The following PAIP2B variants were observed in gnomAD, a reference collection of about 807,000 sequenced individuals.
The protein encoded by PAIP2B is poly(A) binding protein interacting protein 2B.
PAIP2B carries 13 observed loss-of-function variants against 17.0 expected under a neutral mutation model. That is an observed-to-expected ratio of 0.76 (90% confidence interval 0.50 to 1.22). The LOEUF (loss-of-function observed/expected upper bound fraction) is 1.22. PAIP2B is among the 50% of genes most tolerant of loss of function. PAIP2B has a pLI of 0.00. For missense variants in PAIP2B, 117 were observed against 144.5 expected, an observed-to-expected ratio of 0.81 and a Z score of 0.98; for synonymous variants, 43 against 48.7, an observed-to-expected ratio of 0.88 and a Z score of 0.48.
At chr2:71,213,438 G>A (rs140279878) in intron 1 of PAIP2B, among the ~76,000 whole-genome samples, 34 of 152,274 alleles carry the variant, frequency 2.2e-4, no homozygotes, top group African/African-American at 7.7e-4. Context: ...GGAGAAAGAG[G>A]GTCCTTGAGG....
At chr2:71,206,915 A>T (rs1405244140) in intron 1 of PAIP2B, among the ~76,000 whole-genome samples, 1 of 152,220 alleles carries the variant, frequency 6.6e-6, no homozygotes, top group Non-Finnish European at 1.5e-5. Context: ...GGTGGATGAC[A>T]GCTTTAAATT....
chr2:71,204,274 T>C (rs546696207), intron 1 of PAIP2B, among the ~76,000 whole-genome samples: 19 of 152,162 alleles, frequency 1.2e-4, no homozygotes, highest in Non-Finnish European at 2.4e-4. Flanking sequence ...CCACCTTCCT[T>C]GGGGCTTCTT....
chr2:71,189,710 A>C, intron 3 of PAIP2B, 135 bp downstream of exon 3: 1 of 793,506 alleles, frequency 1.3e-6, no homozygotes, highest in Non-Finnish European at 1.9e-6. Context: ...AATAATGCCC[A>C]TAAAACGAGC....
intron 2 of PAIP2B, among the ~76,000 whole-genome samples, chr2:71,199,679 G>A (rs1674928685): frequency 6.6e-6 from 1 of 151,640 alleles, no homozygotes; most frequent in African/African-American, 2.4e-5. Context: ...CCATTCTCCT[G>A]CCTCAGCCTC....
intron 3 of PAIP2B, among the ~76,000 whole-genome samples, 174 bp from the exon 4 acceptor site, chr2:71,188,709 G>A (rs1490216051): frequency 6.6e-6 from 1 of 152,164 alleles, no homozygotes; most frequent in Non-Finnish European, 1.5e-5. Flanking sequence ...CCCTGAGCAA[G>A]CTCATCTTCT....
At chr2:71,199,661 G>C (rs1401932439) in intron 2 of PAIP2B, among the ~76,000 whole-genome samples, 1 of 151,876 alleles carries the variant, frequency 6.6e-6, no homozygotes. Flanking sequence ...CCGCCTCCTG[G>C]GTTCACGCCA....
intron 2 of PAIP2B, among the ~76,000 whole-genome samples, chr2:71,193,370 T>C (rs1674735900): frequency 6.6e-6 from 1 of 152,236 alleles, no homozygotes; most frequent in Non-Finnish European, 1.5e-5. Context: ...AAATATTTCC[T>C]CCCTTTCTGT....
chr2:71,197,303 T>C (rs1489813362), intron 2 of PAIP2B, among the ~76,000 whole-genome samples: 1 of 152,228 alleles, frequency 6.6e-6, no homozygotes, highest in African/African-American at 2.4e-5. Context: ...AAATTCTTGG[T>C]TGAAGATTTT....
intron 1 of PAIP2B, among the ~76,000 whole-genome samples, chr2:71,217,580 C>T (rs1675460350): frequency 6.6e-6 from 1 of 152,216 alleles, no homozygotes; most frequent in Admixed American, 6.5e-5. Flanking sequence ...TGTATTGCTT[C>T]TTGCTTTCAA....
At chr2:71,214,018 T>A (rs577931894) in intron 1 of PAIP2B, among the ~76,000 whole-genome samples, 28 of 152,224 alleles carry the variant, frequency 1.8e-4, no homozygotes, top group South Asian at 6.2e-4. Flanking sequence ...TTAAAAAAAA[T>A]TTTTTTAGAG....
At chr2:71,225,483 A>G (rs1675696335) in intron 1 of PAIP2B, among the ~76,000 whole-genome samples, 1 of 152,180 alleles carries the variant, frequency 6.6e-6, no homozygotes, top group African/African-American at 2.4e-5. Flanking sequence ...AACAATTCCA[A>G]TTTTTGAAAA....
At chr2:71,209,836 T>A (rs1270706251) in intron 1 of PAIP2B, among the ~76,000 whole-genome samples, 2 of 152,146 alleles carry the variant, frequency 1.3e-5, no homozygotes, top group Non-Finnish European at 2.9e-5. Context: ...AACTTTTTTT[T>A]TTTTTAAGAT....
chr2:71,208,283 A>T (rs1675190864), intron 1 of PAIP2B, among the ~76,000 whole-genome samples: 1 of 151,992 alleles, frequency 6.6e-6, no homozygotes, highest in Admixed American at 6.6e-5. Context: ...AATTAGCTGA[A>T]TGTGGTGGTA....
chr2:71,184,242 G>A lies in PAIP2B; in HGVS notation c.*4237C>T, dbSNP rs774428960. The stretch of plus-strand genomic sequence containing the variant: ...AGAGACTCCTAGTAACACAATCTGA[G>A]GGAGCTTTTTCTTTTGAAATAAAGA... On this transcript the variant is annotated 3_prime_UTR_variant, in exon 4 of 4. Coordinates refer to ENST00000244221, the MANE Select transcript of PAIP2B (RefSeq NM_020459.1). 1 of 152,192 alleles carries A rather than the reference G, an allele frequency of 6.6e-6. No individual in the cohort carries two copies. Among genetic ancestry groups the A allele is most frequent in the Non-Finnish European group, 1.5e-5 (1 of 68,032 alleles). 9.4% of individuals were successfully genotyped at this position (152,192 alleles called of 1,614,324 possible). A position where few individuals can be genotyped will look rare whatever the true frequency, so the allele number is the denominator to read the frequency against.
rs1171607674 is a variant in PAIP2B at position 71,187,673 on chromosome 2, T to G, written c.*806A>C. ...TGCCTTTGGTAGCAGTATCTTTTCT[T>G]AAAAAGGAGGCTGGGGAATAGACTT... On this transcript the variant is annotated 3_prime_UTR_variant, in exon 4 of 4. Coordinates refer to ENST00000244221, the MANE Select transcript of PAIP2B (RefSeq NM_020459.1). 1 of 152,180 alleles carries G rather than the reference T, an allele frequency of 6.6e-6. No homozygotes were observed. The highest frequency in any genetic ancestry group is 1.5e-5 in the Non-Finnish European group (1 of 68,036). 9.4% of individuals were successfully genotyped at this position (152,180 alleles called of 1,614,324 possible). A position where few individuals can be genotyped will look rare whatever the true frequency, so the allele number is the denominator to read the frequency against.
chr2:71,195,354 G>A (rs1307184108), intron 2 of PAIP2B, among the ~76,000 whole-genome samples: 3 of 152,088 alleles, frequency 2.0e-5, no homozygotes, highest in Non-Finnish European at 2.9e-5. Context: ...CATGTCCTGG[G>A]CTTTTTTGGT....
rs1004561463 is a variant in PAIP2B at position 71,187,869 on chromosome 2, A to G, written c.*610T>C. On this transcript the variant is annotated 3_prime_UTR_variant, in exon 4 of 4. Transcript: ENST00000244221. ...GATTTACAACTTTCAACAATCATCAAAAGTTACTGTAAACTAAGTACTTTA... is the reference window on the plus strand; with the variant it reads ...GATTTACAACTTTCAACAATCATCAGAAGTTACTGTAAACTAAGTACTTTA... 6.5e-6 allele frequency: 1 copy of G among 153,228 alleles called. No homozygotes were observed. The highest frequency in any genetic ancestry group is 2.4e-5 in the African/African-American group (1 of 41,456). 9.5% of individuals were successfully genotyped at this position (153,228 alleles called of 1,614,324 possible).
chr2:71,202,864 C>G (rs1189431416), intron 1 of PAIP2B, among the ~76,000 whole-genome samples: 1 of 151,988 alleles, frequency 6.6e-6, no homozygotes, highest in East Asian at 1.9e-4. Flanking sequence ...GCAGGTGGGA[C>G]AGGGGTGGGA....
chr2:71,200,644 C>G (rs357763), intron 2 of PAIP2B, among the ~76,000 whole-genome samples: 43,459 of 152,004 alleles, frequency 0.29, 6,497 homozygotes, highest in South Asian at 0.48. Flanking sequence ...CCCAGCTACT[C>G]AGGAGGCTAA....
Sources: allele counts gnomAD v4.1 joint callset (sites outside exome capture counted in the v4.1 genomes callset), GRCh38; gene constraint gnomAD v4.1.1; transcripts MANE v1.5; gene names NCBI Gene and HGNC (gene_info 2026-07-23, HGNC 2026-07-21).